CACNA1A: variants seen among roughly 807,000 people sequenced by gnomAD.
The protein encoded by CACNA1A is voltage-dependent P/Q-type calcium channel subunit alpha-1A.
In CACNA1A, 57 loss-of-function variants were observed where a neutral mutation model predicts 262.4. That is an observed-to-expected ratio of 0.22 (90% confidence interval 0.18 to 0.27). CACNA1A has a LOEUF of 0.27. Among genes scored for constraint, CACNA1A ranks in the 10% least tolerant of loss-of-function variants. The pLI is 1.00. For missense variants in CACNA1A, 2,526 were observed against 3,562.8 expected (o/e 0.71, Z 7.41); for synonymous variants, 1,431 against 1,419.3 (o/e 1.01, Z -0.18).
At chr19:13,423,591 C>T (rs1720063758) in intron 3 of CACNA1A, among the ~76,000 whole-genome samples, 1 of 151,974 alleles carries the variant, frequency 6.6e-6, no homozygotes, top group African/African-American at 2.4e-5. Flanking sequence ...GGCTCACTAC[C>T]ACCTCCACCT....
chr19:13,462,740 C>A (rs926405540), intron 1 of CACNA1A, among the ~76,000 whole-genome samples: 1 of 152,134 alleles, frequency 6.6e-6, no homozygotes, highest in Non-Finnish European at 1.5e-5. Context: ...CAGGTCTGCC[C>A]AACTCCACAG....
At position 13,432,885 on chromosome 19, in the gene CACNA1A, G is replaced by A. The variant is rs373960900; in HGVS notation, c.539+19991C>T. The stretch of plus-strand genomic sequence containing the variant: ...AGTTAGAAAAAAAGTCAGGCTGGGT[G>A]CAGTGGCTCATGTCTGTAATCCTAG... On this transcript the variant is annotated intron_variant, in intron 3 of 46. Transcript: ENST00000360228. Among the ~76,000 whole-genome samples the A allele has an allele frequency of 3.3e-5, 5 of 152,206 alleles. No homozygotes were observed. The East Asian group carries it at 9.7e-4, about 29-fold the overall frequency.
rs1479720025 is a variant in CACNA1A, at chr19:13,212,528, T to C, written c.6051-6A>G. 1 of 1,563,644 alleles carries C rather than the reference T, an allele frequency of 6.4e-7. No homozygotes were observed. Among genetic ancestry groups the C allele is most frequent in the Non-Finnish European group, 8.7e-7 (1 of 1,152,632 alleles). ...GGCCGCTTTCGTGAGCCATCCTGCA[T>C]GGGGGACAGAGGCCGGGGTAGCAGT... On this transcript the variant is annotated splice_region_variant and splice_polypyrimidine_tract_variant and intron_variant, in intron 41 of 46. Transcript: ENST00000360228. The surrounding 1 kb of genome is among the most constrained non-coding windows in gnomAD (Gnocchi z 5.6).
At chr19:13,465,233 A>T (rs1270197237) in intron 1 of CACNA1A, among the ~76,000 whole-genome samples, 1 of 152,082 alleles carries the variant, frequency 6.6e-6, no homozygotes, top group Non-Finnish European at 1.5e-5. Flanking sequence ...GTCCAGCCTT[A>T]GTTCCTTTTC....
intron 1 of CACNA1A, among the ~76,000 whole-genome samples, chr19:13,467,882 G>A (rs539896923): frequency 1.8e-4 from 28 of 152,202 alleles, no homozygotes; most frequent in Middle Eastern, 3.4e-3. Flanking sequence ...TGAGATTACA[G>A]GCATGAGCCA....
intron 3 of CACNA1A, among the ~76,000 whole-genome samples, chr19:13,389,305 C>T (rs545293312): frequency 1.2e-4 from 19 of 152,182 alleles, no homozygotes; most frequent in Non-Finnish European, 2.8e-4. Context: ...TCACATGCCG[C>T]CTCCTGGTCT....
In CACNA1A at chr19:13,346,494, C is replaced by A. The variant is rs552982359; in HGVS notation, c.979-10585G>T. Among the ~76,000 whole-genome samples the A allele has an allele frequency of 1.1e-4, 17 of 151,296 alleles. 1 individual carries two copies. The South Asian group carries it at 3.4e-3, about 30-fold the overall frequency. The stretch of plus-strand genomic sequence containing the variant: ...GGGATTACAAGTGTGAGCCATCACA[C>A]CCAGCCAGGGACATACATTAATGAT... On this transcript the variant is annotated intron_variant, in intron 6 of 46. Coordinates refer to ENST00000360228, the MANE Select transcript of CACNA1A (RefSeq NM_001127222.2).
At position 13,267,279 on chromosome 19, in the gene CACNA1A, C is replaced by T. The variant is rs73922373; in HGVS notation, c.3990-4446G>A. On this transcript the variant is annotated intron_variant, in intron 24 of 46. Transcript: ENST00000360228. ...CAGAACACGCACGTACACACACGCA[C>T]CCCTGAGCACCCCCGAGTCCCGCCC... 9.0e-3 allele frequency among the ~76,000 whole-genome samples: 1,367 copies of T among 152,298 alleles called. 16 individuals are homozygous for T. The highest frequency in any genetic ancestry group is 0.031 in the African/African-American group (1,276 of 41,552).
intron 3 of CACNA1A, among the ~76,000 whole-genome samples, chr19:13,395,399 T>A (rs2059792183): frequency 6.7e-6 from 1 of 149,666 alleles, no homozygotes; most frequent in Non-Finnish European, 1.5e-5. Flanking sequence ...TCACTTGAGG[T>A]CAGCAGTTTG....
At chr19:13,365,076 G>A (rs529713977) in intron 5 of CACNA1A, 62 of 346,514 alleles carry the variant, frequency 1.8e-4, no homozygotes, top group Non-Finnish European at 2.7e-4. Context: ...CCCCGATGGT[G>A]CTTCCTGGGA....
intron 1 of CACNA1A, among the ~76,000 whole-genome samples, chr19:13,496,326 C>A (rs62111571): frequency 1.3e-5 from 2 of 152,180 alleles, no homozygotes; most frequent in Non-Finnish European, 2.9e-5. Context: ...GAGAAGCTAA[C>A]CTATATTTGG....
At chr19:13,340,233 G>C (rs986117276) in intron 6 of CACNA1A, among the ~76,000 whole-genome samples, 2 of 151,960 alleles carry the variant, frequency 1.3e-5, no homozygotes, top group African/African-American at 4.8e-5. Context: ...AACAAGACCC[G>C]AATCTGCCCT....
intron 1 of CACNA1A, among the ~76,000 whole-genome samples, chr19:13,484,028 GT>G (rs1979678037): frequency 6.6e-6 from 1 of 152,176 alleles, no homozygotes; most frequent in South Asian, 2.1e-4. Flanking sequence ...AAAAGAGTAT[GT>G]TTGGGGATTG....
intron 1 of CACNA1A, among the ~76,000 whole-genome samples, chr19:13,466,152 T>G (rs1400060458): frequency 6.6e-6 from 1 of 152,134 alleles, no homozygotes; most frequent in East Asian, 1.9e-4. Context: ...TTAAAATGGT[T>G]AATTTTCTGT....
rs1202097056 is a variant in CACNA1A, at chr19:13,506,188, C to T, written c.37G>A (p.Gly13Arg). The T allele has an allele frequency of 1.3e-6, 2 of 1,504,284 alleles. No homozygotes were observed. The highest frequency in any genetic ancestry group is 1.4e-5 in the African/African-American group (1 of 71,662). The allele number at this position is 1,504,284 out of a possible 1,614,324, so 93.2% of individuals were successfully genotyped here. ...RFGDEMPARYGGGGSGAAAGV... is the reference protein window; with the variant it reads ...RFGDEMPARYRGGGSGAAAGV... The stretch of plus-strand genomic sequence containing the variant: ...GCGGCTGCCCCGGAGCCTCCTCCCC[C>T]GTAGCGGGCCGGCATCTCGTCTCCG... Residue 13 changes from glycine to arginine, a missense_variant, in exon 1 of 47, where the codon GGG (glycine) becomes AGG (arginine). Gly to Arg is a moderately radical substitution (Grantham distance 125, BLOSUM62 -2). Coordinates refer to ENST00000360228, the MANE Select transcript of CACNA1A (RefSeq NM_001127222.2).
intron 1 of CACNA1A, among the ~76,000 whole-genome samples, chr19:13,480,488 T>C (rs1979148145): frequency 6.6e-6 from 1 of 152,166 alleles, no homozygotes; most frequent in South Asian, 2.1e-4. Context: ...CTGGTAAGGC[T>C]TCTGGTCAAG....
At chr19:13,494,335 G>A (rs1981246460) in intron 1 of CACNA1A, among the ~76,000 whole-genome samples, 1 of 152,166 alleles carries the variant, frequency 6.6e-6, no homozygotes, top group South Asian at 2.1e-4. Flanking sequence ...AGGCCTCTTG[G>A]AGGAGGTAAC....
At chr19:13,224,851 C>G (rs991889331) in intron 37 of CACNA1A, 79 bp from the exon 38 acceptor site, 1 of 936,514 alleles carries the variant, frequency 1.1e-6, no homozygotes, top group Non-Finnish European at 1.7e-6. Context: ...CGCCCCTACC[C>G]AGGGAGTCCC....
intron 31 of CACNA1A, among the ~76,000 whole-genome samples, chr19:13,240,527 TGTGTGTGCATAGTG>T (rs1241838396): frequency 6.7e-6 from 1 of 149,146 alleles, no homozygotes; most frequent in Non-Finnish European, 1.5e-5. Flanking sequence ...CTGTGCACAG[TGTGTGTGCATAGTG>T]GTGTGTGCAG....
Sources: allele counts gnomAD v4.1 joint callset (sites outside exome capture counted in the v4.1 genomes callset), GRCh38; gene constraint gnomAD v4.1.1; non-coding constraint Gnocchi (gnomAD v3.1); transcripts MANE v1.5; gene names NCBI Gene and HGNC (gene_info 2026-07-23, HGNC 2026-07-21).